The following YIPF7 variants were observed in gnomAD, a reference collection of about 807,000 sequenced individuals.
YIPF7 encodes Yip1 domain family member 7.
In YIPF7, 35 loss-of-function variants were observed where a neutral mutation model predicts 27.2. The ratio of observed to expected loss-of-function variants is 1.29; its 90% CI spans 0.98 to 1.70. YIPF7 has a LOEUF of 1.70. YIPF7 is among the 40% of genes most tolerant of loss of function. The pLI is 0.00. For missense variants in YIPF7, 358 were observed against 303.7 expected, an observed-to-expected ratio of 1.18 and a Z score of -1.33; for synonymous variants, 137 against 110.4, an observed-to-expected ratio of 1.24 and a Z score of -1.51.
intron 3 of YIPF7, among the ~76,000 whole-genome samples, chr4:44,633,036 T>A (rs1180943211): frequency 6.6e-6 from 1 of 152,160 alleles, no homozygotes; most frequent in African/African-American, 2.4e-5. Context: ...TGCATTAGTT[T>A]CTCATAGGAG....
chr4:44,649,674 G>A (rs565851222), intron 2 of YIPF7, among the ~76,000 whole-genome samples: 6 of 151,240 alleles, frequency 4.0e-5, no homozygotes, highest in South Asian at 2.1e-4. Context: ...AGCTACATGC[G>A]AGGCTGAGGC....
chr4:44,658,373 C>T lies in YIPF7; in HGVS notation c.-2+2076G>A, dbSNP rs530965694. Among the ~76,000 whole-genome samples, 12 of 152,296 alleles carry T rather than the reference C, an allele frequency of 7.9e-5. No homozygotes were observed. The South Asian group carries it at 2.3e-3, about 29-fold the overall frequency. On this transcript the variant is annotated intron_variant, in intron 2 of 2. Coordinates refer to the YIPF7 transcript ENST00000508947. The stretch of plus-strand genomic sequence containing the variant: ...TGGCACCCTGATCTCAGCTTGCAGC[C>T]TCCAGAACTAAGAAAAATAAATTTC...
chr4:44,633,866 A>C (rs971935486), intron 3 of YIPF7, among the ~76,000 whole-genome samples: 3 of 152,228 alleles, frequency 2.0e-5, no homozygotes, highest in African/African-American at 7.2e-5. Flanking sequence ...AAGTCAATAC[A>C]TATATGAGAA....
Position 44,622,513 on chromosome 4 carries a change from C to G in YIPF7, c.672G>C (p.Lys224Asn). Residue 224 changes from lysine (K) to asparagine (N), a missense_variant, in exon 6 of 6, where the codon AAG becomes AAC. By Grantham distance (94) the Lys-to-Asn change is moderately conservative. Coordinates refer to ENST00000415895, the MANE Select transcript of YIPF7 (RefSeq NM_182592.3). Reference protein sequence around the residue: ...IIGWCSLSASKIFIAALHMEG... With the variant: ...IIGWCSLSASNIFIAALHMEG... ...CCATGTGCAAGGCTGCAATGAAGAT[C>G]TTGGAAGCTGAGAGACTACACCAGC... 1 of 1,613,914 alleles carries G rather than the reference C, an allele frequency of 6.2e-7. No homozygotes were observed. The highest frequency in any genetic ancestry group is 8.5e-7 in the Non-Finnish European group (1 of 1,179,846).
intron 2 of YIPF7, among the ~76,000 whole-genome samples, chr4:44,657,386 T>C (rs539984962): frequency 6.6e-6 from 1 of 152,338 alleles, no homozygotes; most frequent in South Asian, 2.1e-4. Flanking sequence ...TAGTAAGGTA[T>C]AGCATGACAA....
chr4:44,638,162 C>T (rs1158651655), intron 2 of YIPF7, among the ~76,000 whole-genome samples: 5 of 150,598 alleles, frequency 3.3e-5, no homozygotes, highest in Non-Finnish European at 5.9e-5. Context: ...TCCTTGCCCA[C>T]TTTTCAATGG....
intron 1 of YIPF7, among the ~76,000 whole-genome samples, chr4:44,650,507 G>GCGCGCGCGCGCACACA (rs6148421): frequency 1.0e-4 from 14 of 137,176 alleles, no homozygotes; most frequent in African/African-American, 3.8e-4. Flanking sequence ...GCGCGCGCGC[G>GCGCGCGCGCGCACACA]CACACACACA....
chr4:44,628,012 A>G (rs1427723076), intron 4 of YIPF7, among the ~76,000 whole-genome samples: 2 of 152,176 alleles, frequency 1.3e-5, no homozygotes, highest in Non-Finnish European at 2.9e-5. Context: ...CACAGAACCA[A>G]CAGCTGCTTT....
Position 44,649,984 on chromosome 4 carries a change from C to T in YIPF7, c.116+1G>A. ...AAAAAAGAAAAATATTAAGTACTTA[C>T]TTTCTAGATCCATAAAGATTTCCAT... On this transcript the variant is annotated splice_donor_variant, in intron 2 of 5. Coordinates refer to ENST00000415895, the MANE Select transcript of YIPF7 (RefSeq NM_182592.3). LOFTEE classifies it high-confidence loss of function. The T allele has an allele frequency of 7.0e-7, 1 of 1,427,896 alleles. No homozygotes were observed. The highest frequency in any genetic ancestry group is 1.3e-5 in the South Asian group (1 of 75,826). The allele number at this position is 1,427,896 out of a possible 1,614,324, so 88.5% of individuals were successfully genotyped here.
chr4:44,642,649 G>T (rs913067684), intron 2 of YIPF7, among the ~76,000 whole-genome samples: 16 of 152,048 alleles, frequency 1.1e-4, no homozygotes, highest in Non-Finnish European at 4.4e-5. Context: ...AATTATGGGG[G>T]CAATTTCTCA....
intron 1 of YIPF7, 22 bp from the exon 2 acceptor site, chr4:44,650,123 T>G: frequency 7.2e-7 from 1 of 1,379,516 alleles, no homozygotes; most frequent in Non-Finnish European, 1.0e-6. Context: ...GAGTATGTTT[T>G]TAATAAGTTC....
intron 2 of YIPF7, among the ~76,000 whole-genome samples, chr4:44,649,553 TTGAGCTCA>T (rs1489569109): frequency 1.3e-5 from 2 of 151,990 alleles, no homozygotes; most frequent in Non-Finnish European, 2.9e-5. Flanking sequence ...GGCGGATCAC[TTGAGCTCA>T]TGAGCTCCAG....
At chr4:44,645,327 T>C (rs559577200) in intron 2 of YIPF7, among the ~76,000 whole-genome samples, 1 of 152,314 alleles carries the variant, frequency 6.6e-6, no homozygotes, top group East Asian at 1.9e-4. Context: ...TGCCAATGAG[T>C]TTTCATATAT....
intron 2 of YIPF7, among the ~76,000 whole-genome samples, chr4:44,658,021 C>T (rs1713947361): frequency 6.6e-6 from 1 of 151,990 alleles, no homozygotes; most frequent in East Asian, 1.9e-4. Context: ...GAGTTTGAGA[C>T]TAGCCTGGGC....
intron 4 of YIPF7, among the ~76,000 whole-genome samples, chr4:44,627,795 A>C (rs1392481011): frequency 6.6e-6 from 1 of 152,206 alleles, no homozygotes; most frequent in East Asian, 1.9e-4. Flanking sequence ...TAGAAATATG[A>C]AGCCAAGGGT....
At chr4:44,630,137 CT>C (rs1325573156) in intron 3 of YIPF7, among the ~76,000 whole-genome samples, 2 of 151,976 alleles carry the variant, frequency 1.3e-5, no homozygotes, top group Admixed American at 6.6e-5. Context: ...CCTGGTTAAT[CT>C]TTTTTCTTCC....
intron 1 of YIPF7, among the ~76,000 whole-genome samples, chr4:44,661,471 G>C (rs962832700): frequency 2.6e-5 from 4 of 152,220 alleles, no homozygotes; most frequent in African/African-American, 9.6e-5. Context: ...AAATAGGGAG[G>C]CAGCAAATTG....
In YIPF7 at chr4:44,631,421, A is replaced by G. The variant is rs537096343; in HGVS notation, c.281-1873T>C. Among the ~76,000 whole-genome samples the G allele has an allele frequency of 3.9e-5, 6 of 152,250 alleles. 1 individual carries two copies. The South Asian group carries it at 1.0e-3, about 26-fold the overall frequency. ...CACGTATCATCTAAATACCTTGAAA[A>G]GTTGACTTTTCTGTACACAGACTAC... On this transcript the variant is annotated intron_variant, in intron 3 of 5. Transcript: ENST00000415895.
intron 2 of YIPF7, among the ~76,000 whole-genome samples, chr4:44,643,538 TA>T (rs903734264): frequency 2.6e-5 from 4 of 151,838 alleles, no homozygotes; most frequent in African/African-American, 4.8e-5. Flanking sequence ...TTGCATAAGT[TA>T]AAAAAAAGAG....
Sources: allele counts gnomAD v4.1 joint callset (sites outside exome capture counted in the v4.1 genomes callset), GRCh38; gene constraint gnomAD v4.1.1; transcripts MANE v1.5; gene names NCBI Gene and HGNC (gene_info 2026-07-23, HGNC 2026-07-21).